CPTP: variants seen among roughly 807,000 people sequenced by gnomAD.
CPTP encodes the protein ceramide-1-phosphate transfer protein.
A neutral mutation model predicts 5.7 loss-of-function variants in CPTP; 5 were observed. That is an observed-to-expected ratio of 0.88 (90% CI 0.46 to 1.86). CPTP has a LOEUF of 1.86. CPTP is among the 40% of genes most tolerant of loss of function. CPTP has a pLI of 0.01. For missense variants in CPTP, 335 were observed against 306.5 expected, an observed-to-expected ratio of 1.09 and a Z score of -0.69; for synonymous variants, 166 against 142.7, an observed-to-expected ratio of 1.16 and a Z score of -1.16.
At position 1,328,154 on chromosome 1, in the gene CPTP, G is replaced by T. The variant is rs556984986; in HGVS notation, c.*391G>T. 6.7e-6 allele frequency: 2 copies of T among 297,994 alleles called. No individual in the cohort carries two copies. Among genetic ancestry groups the T allele is most frequent in the South Asian group, 7.1e-5 (2 of 28,060 alleles). The allele number at this position is 297,994 out of a possible 1,614,324, so 18.5% of individuals were successfully genotyped here. On this transcript the variant is annotated 3_prime_UTR_variant, in exon 3 of 3. Coordinates refer to ENST00000343938, the MANE Select transcript of CPTP (RefSeq NM_001029885.2). ...CCAGGGTGAAGTCACAGGTCCCGGG[G>T]TGTGGAGGCTCCATCCTTTCTCCTT...
At chr1:1,325,700 G>T (rs3845294) in intron 1 of CPTP, 4 of 152,348 alleles carry the variant, frequency 2.6e-5, no homozygotes, top group African/African-American at 9.7e-5. Context: ...TGCTCCAGCA[G>T]CCTGGGCCAC....
Position 1,328,108 on chromosome 1 carries a change from C to G in CPTP, c.*345C>G. 1 of 382,378 alleles carries G rather than the reference C, an allele frequency of 2.6e-6. No individual in the cohort carries two copies. The highest frequency in any genetic ancestry group is 4.8e-6 in the Non-Finnish European group (1 of 210,040). 23.7% of individuals were successfully genotyped at this position (382,378 alleles called of 1,614,324 possible). A position where few individuals can be genotyped will look rare whatever the true frequency, so the allele number is the denominator to read the frequency against. ...AGCCCGAAAGGTCGCCACCCCCTAG[C>G]CTGTGGGGTGCATCTGCGAACCAGG... On this transcript the variant is annotated 3_prime_UTR_variant, in exon 3 of 3. Transcript: ENST00000343938.
rs986660473 is a variant in CPTP at position 1,325,039 on chromosome 1, CG to C, written c.-137del. The C allele has an allele frequency of 5.7e-6, 1 of 175,884 alleles. No homozygotes were observed. Among genetic ancestry groups the C allele is most frequent in the Non-Finnish European group, 1.2e-5 (1 of 84,152 alleles). 10.9% of individuals were successfully genotyped at this position (175,884 alleles called of 1,614,324 possible). On this transcript the variant is annotated 5_prime_UTR_variant, in exon 1 of 3. Coordinates refer to ENST00000343938, the MANE Select transcript of CPTP (RefSeq NM_001029885.2). ...GGCCTCCGCCCCTTCCTGGGCCTCT[CG>C]GTGGAGCAGGGACCCGAACCGGTGC...
In CPTP at chr1:1,327,287, G is replaced by A. The variant is rs760845838; in HGVS notation, c.169G>A (p.Val57Met). 1.2e-5 allele frequency: 19 copies of A among 1,598,228 alleles called. No individual in the cohort carries two copies. The highest frequency in any genetic ancestry group is 8.9e-5 in the East Asian group (4 of 44,874). The change falls in exon 3 of 3, where the codon GTG becomes ATG. Residue 57 changes from valine (V) to methionine (M), a missense_variant. By Grantham distance (21) the Val-to-Met change is conservative (BLOSUM62 1). Coordinates refer to ENST00000343938, the MANE Select transcript of CPTP (RefSeq NM_001029885.2). ...GTIFSFISKDVVSKLRIMERL... is the reference protein window; with the variant it reads ...GTIFSFISKDMVSKLRIMERL... ...CATCTTCTCATTCATCTCCAAGGAC[G>A]TGGTCTCCAAGCTGCGGATCATGGA...
At chr1:1,326,753 C>T (rs1468201291) in intron 1 of CPTP, 83 bp from the exon 2 acceptor site, 1 of 963,944 alleles carries the variant, frequency 1.0e-6, no homozygotes, top group African/African-American at 1.6e-5. Flanking sequence ...CCAGGCAGCT[C>T]CTGGGAGGAA....
Position 1,326,905 on chromosome 1 carries a change from C to A in CPTP, c.-6C>A, listed in dbSNP as rs772803583. ...AGCCCTACTGTATTTCCGTTCCTAT[C>A]AAAAAATGGATGACTCGGAGACAGG... is the stretch of plus-strand genomic sequence containing the variant. On this transcript the variant is annotated 5_prime_UTR_variant, in exon 2 of 3. Transcript: ENST00000343938. The A allele has an allele frequency of 1.2e-6, 2 of 1,613,574 alleles. No individual in the cohort carries two copies. Among genetic ancestry groups the A allele is most frequent in the Non-Finnish European group, 1.7e-6 (2 of 1,179,928 alleles).
chr1:1,327,823 G>A lies in CPTP; in HGVS notation c.*60G>A. ...TGCAGATCTGGGCTGCGGTGGCCAG[G>A]GCCGTGAGTCCCGTGGCAGAGCCTT... On this transcript the variant is annotated 3_prime_UTR_variant, in exon 3 of 3. Coordinates refer to ENST00000343938, the MANE Select transcript of CPTP (RefSeq NM_001029885.2). 6.3e-7 allele frequency: 1 copy of A among 1,576,350 alleles called. No individual in the cohort carries two copies. The highest frequency in any genetic ancestry group is 8.6e-7 in the Non-Finnish European group (1 of 1,160,834).
Position 1,327,348 on chromosome 1 carries a change from G to A in CPTP, c.230G>A (p.Arg77His), listed in dbSNP as rs377587453. Residue 77 changes from arginine to histidine, a missense_variant, in exon 3 of 3, where the codon CGC becomes CAC. Transcript: ENST00000343938. ...LRGGPQSEHY[R>H]SLQAMVAHEL... ...GGCGGCCCGCAGAGCGAGCACTACC[G>A]CAGCCTGCAGGCCATGGTGGCCCAC... The A allele has an allele frequency of 9.4e-6, 15 of 1,598,378 alleles. No individual in the cohort carries two copies. Among genetic ancestry groups the A allele is most frequent in the Admixed American group, 3.3e-5 (2 of 59,764 alleles).
rs764436695 is a variant in CPTP at position 1,327,681 on chromosome 1, G to C, written c.563G>C (p.Gly188Ala). The change falls in exon 3 of 3, where the codon GGC (glycine) becomes GCC (alanine). Residue 188 changes from glycine (G) to alanine (A), a missense_variant. Transcript: ENST00000343938. ...CCGGAGCAGGCCGTGCAGATGCTAG[G>C]CGAGGCCCTCCCCTTCATCCAGCGT... ...GPPEQAVQML[G>A]EALPFIQRVY... is the part of the protein sequence containing the mutation. 2 of 1,612,776 alleles carry C rather than the reference G, an allele frequency of 1.2e-6. No individual in the cohort carries two copies. The highest frequency in any genetic ancestry group is 3.3e-5 in the Admixed American group (2 of 60,020).
chr1:1,327,247 G>T lies in CPTP; in HGVS notation c.129G>T (p.Leu43=). The T allele has an allele frequency of 6.3e-7, 1 of 1,596,228 alleles. No individual in the cohort carries two copies. Among genetic ancestry groups the T allele is most frequent in the South Asian group, 1.1e-5 (1 of 90,810 alleles). Residue 43 remains leucine (L), a synonymous_variant, in exon 3 of 3, where the codon CTG becomes CTT. Transcript: ENST00000343938. ...GCCCCGCTCCCTTCCACAGGTTTCT[G>T]AACAGCCTGGGCACCATCTTCTCAT... ...IASWKGLVRF[L]NSLGTIFSFI...
rs558246371 is a variant in CPTP at position 1,326,260 on chromosome 1, G to A, written c.-75-576G>A. Reference sequence around the variant, plus strand: ...GCCCTACAGCCTCTTTTCTGCTTTTGGGGATGTAGCAGTGAGGAAGATGGG... The same window carrying A: ...GCCCTACAGCCTCTTTTCTGCTTTTAGGGATGTAGCAGTGAGGAAGATGGG... On this transcript the variant is annotated intron_variant, in intron 1 of 2. Transcript: ENST00000343938. Among the ~76,000 whole-genome samples the A allele has an allele frequency of 4.6e-5, 7 of 152,308 alleles. No homozygotes were observed. The South Asian group carries it at 1.0e-3, about 23-fold the overall frequency.
chr1:1,325,130 GGT>G (rs1643262103), intron 1 of CPTP, 28 bp downstream of exon 1: 1 of 153,438 alleles, frequency 6.5e-6, no homozygotes, highest in Admixed American at 6.5e-5. Flanking sequence ...CGCTCGACAG[GGT>G]CTGGTCCCAC....
rs1189374839 is a variant in CPTP, at chr1:1,327,740, C to T, written c.622C>T (p.His208Tyr). 3.7e-6 allele frequency: 6 copies of T among 1,612,316 alleles called. No homozygotes were observed. The highest frequency in any genetic ancestry group is 3.3e-5 in the South Asian group (3 of 91,090). ...YNVSQKLYAE[H>Y]SLLDLP ...CGTCTCCCAGAAGCTCTACGCCGAG[C>T]ACTCCCTGCTGGACCTGCCCTAGGG... The change falls in exon 3 of 3, where the codon CAC becomes TAC. Residue 208 changes from histidine to tyrosine, a missense_variant. His to Tyr is a moderately conservative substitution (Grantham distance 83, BLOSUM62 2). Coordinates refer to ENST00000343938, the MANE Select transcript of CPTP (RefSeq NM_001029885.2).
chr1:1,327,107 A>C, intron 2 of CPTP, 75 bp downstream of exon 2: 1 of 1,597,244 alleles, frequency 6.3e-7, no homozygotes, highest in Non-Finnish European at 8.5e-7. Context: ...CTGCCTCCCG[A>C]CTGCCTGTCC....
Position 1,327,472 on chromosome 1 carries a change from G to A in CPTP, c.354G>A (p.Leu118=). The change falls in exon 3 of 3, where the codon CTG becomes CTA. Residue 118 remains leucine, a synonymous_variant. Transcript: ENST00000343938. ...VLRLHRALHW[L]QLFLEGLRTS... is the part of the protein sequence containing the mutation. The stretch of plus-strand genomic sequence containing the variant: ...GCCTGCACCGCGCCCTGCACTGGCT[G>A]CAGCTGTTCCTGGAGGGCCTGCGTA... 4 of 1,571,464 alleles carry A rather than the reference G, an allele frequency of 2.5e-6. No individual in the cohort carries two copies. The highest frequency in any genetic ancestry group is 3.4e-6 in the Non-Finnish European group (4 of 1,163,858).
Position 1,327,421 on chromosome 1 carries a change from G to A in CPTP, c.303G>A (p.Pro101=), listed in dbSNP as rs760362777. ...ACCTGGAGCGCCGCTCCCACCACCC[G>A]GAGTCTGGCTGCCGGACGGTGCTGC... is the stretch of plus-strand genomic sequence containing the variant. ...LVDLERRSHH[P]ESGCRTVLRL... Residue 101 remains proline (P), a synonymous_variant, in exon 3 of 3, where the codon CCG becomes CCA. Coordinates refer to ENST00000343938, the MANE Select transcript of CPTP (RefSeq NM_001029885.2). The A allele has an allele frequency of 1.7e-5, 27 of 1,588,920 alleles. No individual in the cohort carries two copies. The highest frequency in any genetic ancestry group is 8.6e-5 in the Admixed American group (5 of 58,206).
rs1297913001 is a variant in CPTP, at chr1:1,324,979, G to C, written c.-199G>C. 2.0e-5 allele frequency: 5 copies of C among 246,082 alleles called. No homozygotes were observed. Among genetic ancestry groups the C allele is most frequent in the Non-Finnish European group, 3.9e-5 (5 of 129,246 alleles). 15.2% of individuals were successfully genotyped at this position (246,082 alleles called of 1,614,324 possible). A position where few individuals can be genotyped will look rare whatever the true frequency, so the allele number is the denominator to read the frequency against. On this transcript the variant is annotated 5_prime_UTR_variant, in exon 1 of 3. Coordinates refer to ENST00000343938, the MANE Select transcript of CPTP (RefSeq NM_001029885.2). ...CCCGGCTCCCGCGCAGGACGGAGCC[G>C]TGGCTCAGGTCGGCCCCTCCCCAAC...
At position 1,327,325 on chromosome 1, in the gene CPTP, C is replaced by T. The variant is rs755774617; in HGVS notation, c.207C>T (p.Gly69=). 1.7e-5 allele frequency: 27 copies of T among 1,597,846 alleles called. No homozygotes were observed. Among genetic ancestry groups the T allele is most frequent in the East Asian group, 2.2e-5 (1 of 44,884 alleles). ...SKLRIMERLR[G]GPQSEHYRSL... The stretch of plus-strand genomic sequence containing the variant: ...TGCGGATCATGGAGCGCCTCAGGGG[C>T]GGCCCGCAGAGCGAGCACTACCGCA... Residue 69 remains glycine (G), a synonymous_variant, in exon 3 of 3, where the codon GGC becomes GGT. Coordinates refer to ENST00000343938, the MANE Select transcript of CPTP (RefSeq NM_001029885.2).
rs566718552 is a variant in CPTP at position 1,324,860 on chromosome 1, C to T, written c.-318C>T. On this transcript the variant is annotated 5_prime_UTR_variant, in exon 1 of 3. Coordinates refer to ENST00000343938, the MANE Select transcript of CPTP (RefSeq NM_001029885.2). ...GGCTCGGACTCGGCGGCCGCACCTG[C>T]CCAACCCAACCCGCACGGTCCGGAA... The T allele has an allele frequency of 6.4e-4, 298 of 468,764 alleles. 1 individual carries two copies. The highest frequency in any genetic ancestry group is 4.2e-3 in the Admixed American group (92 of 22,014). The allele number at this position is 468,764 out of a possible 1,614,324, so 29.0% of individuals were successfully genotyped here. A position where few individuals can be genotyped will look rare whatever the true frequency, so the allele number is the denominator to read the frequency against.
Sources: gnomAD v4.1 joint callset for allele counts (sites outside exome capture counted in the v4.1 genomes callset) on GRCh38, gnomAD v4.1.1 for gene constraint, MANE v1.5 for transcripts, NCBI Gene and HGNC (gene_info 2026-07-23, HGNC 2026-07-21) for gene names.